Variants in ADAMTSL1 observed in about 807,000 individuals in gnomAD.
ADAMTSL1 encodes ADAMTS like 1.
ADAMTSL1 carries 126 observed loss-of-function variants against 201.8 expected under a neutral mutation model. The ratio of observed to expected loss-of-function variants is 0.62; its 90% CI spans 0.54 to 0.72. The LOEUF (loss-of-function observed/expected upper bound fraction) is 0.72. ADAMTSL1 is among the 30% of genes least tolerant of loss of function. The pLI is 0.00. For missense variants in ADAMTSL1, 2,679 were observed against 2,277.8 expected (o/e 1.18, Z -3.59); for synonymous variants, 1,121 against 903.4 (o/e 1.24, Z -4.32).
Position 18,695,288 on chromosome 9 carries a change from C to T in ADAMTSL1, c.1574+10488C>T, listed in dbSNP as rs1183416782. Among the ~76,000 whole-genome samples the T allele has an allele frequency of 2.0e-5, 3 of 152,356 alleles. No homozygotes were observed. The East Asian group carries it at 5.8e-4, about 29-fold the overall frequency. The stretch of plus-strand genomic sequence containing the variant: ...AAGGTCTCTGAAATGCCTTCAAGGG[C>T]ATTTTCCCCATTGTGTTGGCTATTA... On this transcript the variant is annotated intron_variant, in intron 13 of 28. Transcript: ENST00000380548.
At chr9:18,031,877 T>C (rs966838776) in intron 1 of ADAMTSL1, among the ~76,000 whole-genome samples, 3 of 152,178 alleles carry the variant, frequency 2.0e-5, no homozygotes, top group African/African-American at 7.2e-5. Context: ...GTGAGTGGTC[T>C]GATGATACAG....
chr9:18,578,973 T>C (rs961464234), intron 4 of ADAMTSL1, among the ~76,000 whole-genome samples: 1 of 151,712 alleles, frequency 6.6e-6, no homozygotes, highest in African/African-American at 2.4e-5. Flanking sequence ...ATTTCTCTGA[T>C]GGCCAGTGAT....
chr9:18,285,900 T>C (rs2132651702), intron 2 of ADAMTSL1, among the ~76,000 whole-genome samples: 1 of 152,270 alleles, frequency 6.6e-6, no homozygotes, highest in Non-Finnish European at 1.5e-5. Flanking sequence ...TTGACTGGGT[T>C]TTTTAGCATA....
At chr9:18,510,469 C>A (rs1305505418) in intron 2 of ADAMTSL1, among the ~76,000 whole-genome samples, 1 of 152,132 alleles carries the variant, frequency 6.6e-6, no homozygotes, top group African/African-American at 2.4e-5. Context: ...AAAGTTCTGA[C>A]CCAGGAACAT....
chr9:17,983,076 C>CTT (rs36025746), intron 1 of ADAMTSL1, among the ~76,000 whole-genome samples: 2 of 114,206 alleles, frequency 1.8e-5, no homozygotes, highest in Admixed American at 2.1e-4. Flanking sequence ...TTCTTTCTTT[C>CTT]TTTTTTTTTT....
At chr9:18,835,856 A>G (rs1371626195) in intron 23 of ADAMTSL1, among the ~76,000 whole-genome samples, 2 of 152,126 alleles carry the variant, frequency 1.3e-5, no homozygotes, top group African/African-American at 2.4e-5. Context: ...TTATGGCTGC[A>G]TAGTATCCTA....
At chr9:18,494,363 A>T (rs886378049) in intron 1 of ADAMTSL1, among the ~76,000 whole-genome samples, 3 of 151,822 alleles carry the variant, frequency 2.0e-5, no homozygotes, top group Non-Finnish European at 2.9e-5. Context: ...AAAAAAAAAA[A>T]CCAGGCCAAG....
At chr9:18,653,925 G>A (rs1044251768) in intron 7 of ADAMTSL1, among the ~76,000 whole-genome samples, 15 of 152,192 alleles carry the variant, frequency 9.9e-5, no homozygotes, top group African/African-American at 3.4e-4. Flanking sequence ...GCCTTCCAAG[G>A]AGGGTAGAAA....
At chr9:18,367,045 A>G (rs1315420922) in intron 2 of ADAMTSL1, among the ~76,000 whole-genome samples, 1 of 152,200 alleles carries the variant, frequency 6.6e-6, no homozygotes, top group Non-Finnish European at 1.5e-5. Flanking sequence ...TTAAATAGTA[A>G]CATTTCCTCA....
At chr9:18,085,582 G>GTGTGTGTGTATGCGTATATACAC (rs1823725810) in intron 1 of ADAMTSL1, among the ~76,000 whole-genome samples, 1 of 147,252 alleles carries the variant, frequency 6.8e-6, no homozygotes, top group Admixed American at 6.7e-5. Context: ...TATACACACT[G>GTGTGTGTGTATGCGTATATACAC]TGTGTGTGTA....
At chr9:18,146,211 A>G (rs938240586) in intron 1 of ADAMTSL1, among the ~76,000 whole-genome samples, 3 of 152,182 alleles carry the variant, frequency 2.0e-5, no homozygotes, top group African/African-American at 7.2e-5. Flanking sequence ...TTTACATACC[A>G]TAGTTACTGT....
Position 18,777,599 on chromosome 9 carries a change from G to A in ADAMTSL1, c.3370G>A (p.Glu1124Lys). 6.2e-7 allele frequency: 1 copy of A among 1,613,024 alleles called. No homozygotes were observed. Among genetic ancestry groups the A allele is most frequent in the Non-Finnish European group, 8.5e-7 (1 of 1,179,626 alleles). Residue 1124 changes from glutamate (E) to lysine (K), a missense_variant, in exon 19 of 29, where the codon GAG becomes AAG. Physicochemically the swap from Glu to Lys is moderately conservative, Grantham distance 56. Transcript: ENST00000380548. ...CCAGGACACGCTCCTGAAGCCCTCGGAGCGCAGGACTTCCCCAGTGACTCT... is the reference window on the plus strand; with the variant it reads ...CCAGGACACGCTCCTGAAGCCCTCGAAGCGCAGGACTTCCCCAGTGACTCT... ...EHQDTLLKPS[E>K]RRTSPVTLSP...
chr9:18,658,272 C>A (rs929213856), intron 8 of ADAMTSL1, among the ~76,000 whole-genome samples: 1 of 152,186 alleles, frequency 6.6e-6, no homozygotes, highest in African/African-American at 2.4e-5. Flanking sequence ...CCGTGCCCGA[C>A]CGAGGAAACA....
At chr9:18,454,757 T>A (rs1369578340) in intron 2 of ADAMTSL1, among the ~76,000 whole-genome samples, 3 of 152,196 alleles carry the variant, frequency 2.0e-5, no homozygotes, top group Non-Finnish European at 4.4e-5. Flanking sequence ...TGAATTTAAA[T>A]TTTTATTGTG....
chr9:18,261,668 T>A (rs1294654331), intron 2 of ADAMTSL1, among the ~76,000 whole-genome samples: 2 of 152,306 alleles, frequency 1.3e-5, no homozygotes, highest in Non-Finnish European at 1.5e-5. Context: ...CATTTATCAA[T>A]ACGTAGCCAT....
At chr9:18,367,818 G>A (rs1836841522) in intron 2 of ADAMTSL1, among the ~76,000 whole-genome samples, 1 of 152,246 alleles carries the variant, frequency 6.6e-6, no homozygotes, top group South Asian at 2.1e-4. Context: ...GCAACGGATG[G>A]GTGGATGGAT....
intron 1 of ADAMTSL1, among the ~76,000 whole-genome samples, chr9:18,080,575 A>G (rs1041829886): frequency 2.0e-5 from 3 of 152,212 alleles, no homozygotes. Context: ...ATCTGGGATA[A>G]GTCACTTAGC....
At chr9:18,436,243 G>T (rs576041032) in intron 2 of ADAMTSL1, among the ~76,000 whole-genome samples, 1 of 152,178 alleles carries the variant, frequency 6.6e-6, no homozygotes, top group Non-Finnish European at 1.5e-5. Flanking sequence ...AGGATGTGGG[G>T]CTTGCTTTAG....
rs1586925555 is a variant in ADAMTSL1, at chr9:18,034,293, G to C, written c.87+127371G>C. Among the ~76,000 whole-genome samples the C allele has an allele frequency of 3.3e-5, 5 of 151,984 alleles. No homozygotes were observed. The South Asian group carries it at 1.0e-3, about 32-fold the overall frequency. On this transcript the variant is annotated intron_variant, in intron 1 of 29. Transcript: ENST00000680146. ...TTCTTTAGCTTGGCATCTGCCCTGT[G>C]GCTCCACTGAAACTCCTTTCTTTAA...
Sources: allele counts gnomAD v4.1 joint callset (sites outside exome capture counted in the v4.1 genomes callset), GRCh38; gene constraint gnomAD v4.1.1; transcripts MANE v1.5; gene names NCBI Gene and HGNC (gene_info 2026-07-23, HGNC 2026-07-21).